The following SCHIP1 variants were observed in gnomAD, a reference collection of about 807,000 sequenced individuals.
SCHIP1 encodes the protein schwannomin-interacting protein 1.
Under a neutral mutation model 29.7 loss-of-function variants are expected in SCHIP1, and 8 were observed. The ratio of observed to expected loss-of-function variants is 0.27; its 90% CI spans 0.16 to 0.49. The LOEUF (loss-of-function observed/expected upper bound fraction) is 0.49, where lower values mean the gene tolerates loss of function less well. SCHIP1 is among the 20% of genes least tolerant of loss of function. The probability of loss-of-function intolerance (pLI) is 0.99; values close to 1 mark genes in which losing one functional copy is unlikely to be tolerated. For missense variants in SCHIP1, 193 were observed against 294.6 expected (o/e 0.66, Z 2.52); for synonymous variants, 76 against 94.9 (o/e 0.80, Z 1.16).
At chr3:159,499,005 T>C in the SCHIP1 span, among the ~76,000 whole-genome samples, 1 of 152,208 alleles carries the variant, frequency 6.6e-6, no homozygotes, top group Non-Finnish European at 1.5e-5. Flanking sequence ...GCCTTGACCC[T>C]GGGCAGCTTG....
the SCHIP1 span, among the ~76,000 whole-genome samples, chr3:159,378,049 T>A: frequency 6.6e-6 from 1 of 152,214 alleles, no homozygotes; most frequent in Non-Finnish European, 1.5e-5. Flanking sequence ...TGACTCTCCC[T>A]GGAAAACAGG....
At chr3:159,543,486 C>T in the SCHIP1 span, among the ~76,000 whole-genome samples, 22 of 149,688 alleles carry the variant, frequency 1.5e-4, no homozygotes, top group Middle Eastern at 3.4e-3. Flanking sequence ...TTTGTCCTTA[C>T]GATAGTTTAC....
At chr3:159,471,155 G>C in the SCHIP1 span, among the ~76,000 whole-genome samples, 1 of 152,214 alleles carries the variant, frequency 6.6e-6, no homozygotes, top group African/African-American at 2.4e-5. Flanking sequence ...AAAATAAAAA[G>C]TGAACCATTA....
At chr3:159,354,097 T>C in the SCHIP1 span, among the ~76,000 whole-genome samples, 1 of 152,218 alleles carries the variant, frequency 6.6e-6, no homozygotes, top group Admixed American at 6.5e-5. Context: ...CATGAAGTTC[T>C]AAACAATAAC....
intron 5 of SCHIP1, among the ~76,000 whole-genome samples, chr3:159,890,628 T>C (rs982251813): frequency 6.6e-6 from 1 of 152,222 alleles, no homozygotes; most frequent in African/African-American, 2.4e-5. Flanking sequence ...TGAAAATTAA[T>C]TACTAGAGTT....
the SCHIP1 span, among the ~76,000 whole-genome samples, chr3:159,430,265 T>C: frequency 2.6e-5 from 4 of 152,312 alleles, 1 homozygote; most frequent in South Asian, 8.3e-4. Flanking sequence ...TTAAATTTGG[T>C]TTATTATTTT....
At chr3:159,431,506 G>A in the SCHIP1 span, among the ~76,000 whole-genome samples, 2 of 152,134 alleles carry the variant, frequency 1.3e-5, no homozygotes, top group African/African-American at 4.8e-5. Context: ...AAGACAGAGG[G>A]AGTGAGAGGT....
the SCHIP1 span, among the ~76,000 whole-genome samples, chr3:159,355,123 G>T: frequency 6.6e-6 from 1 of 152,118 alleles, no homozygotes; most frequent in African/African-American, 2.4e-5. Flanking sequence ...CTCTGGAGTT[G>T]TCATACCTTG....
the SCHIP1 span, among the ~76,000 whole-genome samples, chr3:159,315,104 A>G: frequency 2.0e-5 from 3 of 151,942 alleles, no homozygotes; most frequent in Non-Finnish European, 2.9e-5. Context: ...AAGGGTTTAT[A>G]TTAATTTACA....
chr3:159,319,813 T>C, the SCHIP1 span, among the ~76,000 whole-genome samples: 1 of 152,210 alleles, frequency 6.6e-6, no homozygotes, highest in Non-Finnish European at 1.5e-5. Context: ...ATAATCATGG[T>C]TTACTCCTCA....
chr3:159,426,924 A>G, the SCHIP1 span, among the ~76,000 whole-genome samples: 1 of 152,214 alleles, frequency 6.6e-6, no homozygotes, highest in Non-Finnish European at 1.5e-5. Flanking sequence ...ACAGAACCAA[A>G]GACAAAAACC....
At chr3:159,296,822 A>G in the SCHIP1 span, among the ~76,000 whole-genome samples, 6 of 152,278 alleles carry the variant, frequency 3.9e-5, no homozygotes, top group South Asian at 1.2e-3. Flanking sequence ...CAAGCAAACA[A>G]TACAGCATTA....
the SCHIP1 span, among the ~76,000 whole-genome samples, chr3:159,714,917 T>C: frequency 8.5e-5 from 13 of 152,214 alleles, no homozygotes; most frequent in Non-Finnish European, 1.5e-4. Flanking sequence ...TCATGCAGTT[T>C]GAAATCTGAG....
At chr3:159,489,783 A>T in the SCHIP1 span, among the ~76,000 whole-genome samples, 1 of 152,154 alleles carries the variant, frequency 6.6e-6, no homozygotes, top group Non-Finnish European at 1.5e-5. Context: ...AAGATGATCT[A>T]TTTGTACAGA....
At chr3:159,796,610 T>G in the SCHIP1 span, among the ~76,000 whole-genome samples, 1 of 152,184 alleles carries the variant, frequency 6.6e-6, no homozygotes, top group Non-Finnish European at 1.5e-5. Flanking sequence ...CCTGACACTT[T>G]TTAGTTCATG....
At chr3:159,337,628 C>T in the SCHIP1 span, among the ~76,000 whole-genome samples, 1 of 152,110 alleles carries the variant, frequency 6.6e-6, no homozygotes, top group Non-Finnish European at 1.5e-5. Flanking sequence ...ACCTAGGAAT[C>T]CAGCTTACAA....
At chr3:159,273,669 G>A in the SCHIP1 span, 1 of 1,376,078 alleles carries the variant, frequency 7.3e-7, no homozygotes, top group African/African-American at 1.5e-5. Flanking sequence ...GATAACCGAA[G>A]GGCAAAAGCA....
the SCHIP1 span, among the ~76,000 whole-genome samples, chr3:159,387,928 A>T: frequency 6.6e-6 from 1 of 152,190 alleles, no homozygotes; most frequent in East Asian, 1.9e-4. Context: ...AGTTATCTCA[A>T]TAGTTGCCAT....
the SCHIP1 span, among the ~76,000 whole-genome samples, chr3:159,337,597 T>C: frequency 6.6e-6 from 1 of 152,112 alleles, no homozygotes; most frequent in Non-Finnish European, 1.5e-5. Context: ...CCATTCACAA[T>C]TGCTTCAAAG....
Sources: gnomAD v4.1 joint callset for allele counts (sites outside exome capture counted in the v4.1 genomes callset) on GRCh38, gnomAD v4.1.1 for gene constraint, MANE v1.5 for transcripts, NCBI Gene and HGNC (gene_info 2026-07-23, HGNC 2026-07-21) for gene names.